TRPV1: variants seen among roughly 807,000 people sequenced by gnomAD.
The protein encoded by TRPV1 is transient receptor potential cation channel subfamily V member 1.
In TRPV1, 82 loss-of-function variants were observed where a neutral mutation model predicts 82.3. That is an observed-to-expected ratio of 1.00 (90% CI 0.83 to 1.20). The LOEUF (loss-of-function observed/expected upper bound fraction) is 1.20, where lower values mean the gene tolerates loss of function less well. Among genes scored for constraint, TRPV1 ranks in the 50% most tolerant of loss-of-function variants. TRPV1 has a pLI of 0.00. For missense variants in TRPV1, 1,067 were observed against 1,096.8 expected (o/e 0.97, Z 0.38); for synonymous variants, 515 against 467.7 (o/e 1.10, Z -1.30).
Position 3,573,529 on chromosome 17 carries a change from A to ACCCCCCCCCCCCCCCCCCC in TRPV1, c.2103+103_2103+104insGGGGGGGGGGGGGGGGGGG. On this transcript the variant is annotated intron_variant, in intron 14 of 16. Transcript: ENST00000572705. ...GAGGCCCATACCCTCCTGGCCACAC[A>ACCCCCCCCCCCCCCCCCCC]CCGCCCCCACCACCCACCCACCTGC... 27 of 20,996 alleles carry ACCCCCCCCCCCCCCCCCCC rather than the reference A, an allele frequency of 1.3e-3. 4 individuals carry two copies. The highest frequency in any genetic ancestry group is 2.5e-3 in the South Asian group (8 of 3,246). 1.3% of individuals were successfully genotyped at this position (20,996 alleles called of 1,614,324 possible).
At chr17:3,592,614 G>T (rs972679449) in intron 2 of TRPV1, 21 of 524,318 alleles carry the variant, frequency 4.0e-5, no homozygotes, top group East Asian at 3.6e-4. Flanking sequence ...GGCCACTGAC[G>T]TCGGCCTGGG....
chr17:3,589,096 C>T, intron 7 of TRPV1: 3 of 779,958 alleles, frequency 3.8e-6, no homozygotes, highest in Non-Finnish European at 6.4e-6. Context: ...GGCCTGTCAC[C>T]AGGAGCCACC....
chr17:3,577,358 T>A (rs866889408), intron 12 of TRPV1, among the ~76,000 whole-genome samples, 166 bp from the exon 13 acceptor site: 2 of 152,164 alleles, frequency 1.3e-5, no homozygotes, highest in Non-Finnish European at 2.9e-5. Flanking sequence ...CCTTCCCCCA[T>A]AGCCTTTGTT....
chr17:3,566,624 G>T lies in TRPV1; in HGVS notation c.*191C>A. On this transcript the variant is annotated 3_prime_UTR_variant, in exon 17 of 17. Transcript: ENST00000572705. The stretch of plus-strand genomic sequence containing the variant: ...GGAGATTCACTTGGGGACAGTGACG[G>T]TTGGATGTACATCACTCCCCATGCT... 1 of 590,948 alleles carries T rather than the reference G, an allele frequency of 1.7e-6. No individual in the cohort carries two copies. The allele number at this position is 590,948 out of a possible 1,614,324, so 36.6% of individuals were successfully genotyped here. A position where few individuals can be genotyped will look rare whatever the true frequency, so the allele number is the denominator to read the frequency against.
intron 16 of TRPV1, 109 bp downstream of exon 16, chr17:3,571,415 C>T (rs927580147): frequency 3.1e-5 from 26 of 850,660 alleles, no homozygotes; most frequent in Non-Finnish European, 4.8e-5. Context: ...GCGCCCGGGT[C>T]CTGGGGGGAT....
intron 5 of TRPV1, 135 bp from the exon 6 acceptor site, chr17:3,590,527 C>T (rs1260297493): frequency 1.1e-5 from 15 of 1,364,488 alleles, no homozygotes; most frequent in South Asian, 2.9e-5. Context: ...AGGACCCCCC[C>T]ACTGCAGGAG....
At chr17:3,605,697 T>C (rs1456873417) in intron 2 of TRPV1, among the ~76,000 whole-genome samples, 2 of 152,160 alleles carry the variant, frequency 1.3e-5, no homozygotes, top group Admixed American at 6.5e-5. Context: ...GGTGCTGTCA[T>C]TGTCTGTGTC....
At position 3,577,615 on chromosome 17, in the gene TRPV1, C is replaced by T. The variant is rs765591332; in HGVS notation, c.1696G>A (p.Ala566Thr). The T allele has an allele frequency of 1.3e-5, 21 of 1,580,098 alleles. No homozygotes were observed. In the African/African-American group the frequency reaches 2.7e-4, roughly 20 times the overall value. Residue 566 changes from alanine to threonine, a missense_variant, in exon 12 of 17, where the codon GCC becomes ACC. By Grantham distance (58) the Ala-to-Thr change is moderately conservative (BLOSUM62 0). Transcript: ENST00000572705. ...TRGFQQMGIY[A>T]VMIEKMILRD... Reference sequence around the variant, plus strand: ...GAACCCACCTTCTCTATCATGACGGCATAGATGCCCATCTGCTGGAAACCG... The same window carrying T: ...GAACCCACCTTCTCTATCATGACGGTATAGATGCCCATCTGCTGGAAACCG...
rs1267139079 is a variant in TRPV1 at position 3,565,600 on chromosome 17, C to A, written c.*1215G>T. ...TGGGATGTGGTTCTGTAGTTTTAAC[C>A]TGCACAGCAATTGAGCTGATCTTCT... On this transcript the variant is annotated 3_prime_UTR_variant, in exon 17 of 17. Transcript: ENST00000572705. 1 of 152,164 alleles carries A rather than the reference C, an allele frequency of 6.6e-6. No homozygotes were observed. The highest frequency in any genetic ancestry group is 1.5e-5 in the Non-Finnish European group (1 of 68,034). 9.4% of individuals were successfully genotyped at this position (152,164 alleles called of 1,614,324 possible). A position where few individuals can be genotyped will look rare whatever the true frequency, so the allele number is the denominator to read the frequency against.
chr17:3,566,658 C>T lies in TRPV1; in HGVS notation c.*157G>A, dbSNP rs907464919. On this transcript the variant is annotated 3_prime_UTR_variant, in exon 17 of 17. Coordinates refer to ENST00000572705, the MANE Select transcript of TRPV1 (RefSeq NM_080704.4). ...ACATCACTCCCCATGCTTCCAAGAA[C>T]GCTTCCCACAGCTTGTCCAGCACAG... 26 of 841,676 alleles carry T rather than the reference C, an allele frequency of 3.1e-5. 1 individual carries two copies. Among genetic ancestry groups the T allele is most frequent in the Admixed American group, 1.8e-4 (6 of 33,464 alleles). The allele number at this position is 841,676 out of a possible 1,614,324, so 52.1% of individuals were successfully genotyped here. A position where few individuals can be genotyped will look rare whatever the true frequency, so the allele number is the denominator to read the frequency against.
rs1176590946 is a variant in TRPV1, at chr17:3,573,858, G to A, written c.1878C>T (p.Ser626=). Residue 626 remains serine (S), a synonymous_variant, in exon 14 of 17, where the codon AGC becomes AGT. Coordinates refer to ENST00000572705, the MANE Select transcript of TRPV1 (RefSeq NM_080704.4). ...AGGTGGAGTACAGGCTGTTGTAGGAGCTATCGGGGGGCCTGCAGGCAGGCC... is the reference window on the plus strand; with the variant it reads ...AGGTGGAGTACAGGCTGTTGTAGGAACTATCGGGGGGCCTGCAGGCAGGCC... ...WRGPACRPPD[S]SYNSLYSTCL... is the part of the protein sequence containing the mutation. The A allele has an allele frequency of 5.6e-6, 9 of 1,613,314 alleles. No individual in the cohort carries two copies. Among genetic ancestry groups the A allele is most frequent in the Non-Finnish European group, 7.6e-6 (9 of 1,179,828 alleles).
In TRPV1 at chr17:3,584,402, C is replaced by CAAAAAAA. The variant is rs1447579699; in HGVS notation, c.1384-979_1384-973dup. 1.3e-3 allele frequency among the ~76,000 whole-genome samples: 22 copies of CAAAAAAA among 16,770 alleles called. 2 individuals are homozygous for CAAAAAAA. Among genetic ancestry groups the CAAAAAAA allele is most frequent in the South Asian group, 4.3e-3 (2 of 462 alleles). The allele number at this position is 16,770 out of a possible 152,430, so 11.0% of individuals were successfully genotyped here. On this transcript the variant is annotated intron_variant, in intron 9 of 16. Coordinates refer to ENST00000572705, the MANE Select transcript of TRPV1 (RefSeq NM_080704.4). ...TGGAAAACAGAGAGAGACTCTGTCTCAAAAAAAAAAAAAATAAAATAAAAA... is the reference window on the plus strand; with the variant it reads ...TGGAAAACAGAGAGAGACTCTGTCTCAAAAAAAAAAAAAAAAAAAAATAAAATAAAAA...
At chr17:3,568,695 C>T (rs1052892337) in intron 16 of TRPV1, among the ~76,000 whole-genome samples, 2 of 152,096 alleles carry the variant, frequency 1.3e-5, no homozygotes, top group Admixed American at 6.6e-5. Context: ...CAGTGAAAAA[C>T]GGCAGTCCCT....
chr17:3,580,338 C>T (rs1315164383), intron 11 of TRPV1, 119 bp downstream of exon 11: 3 of 1,008,878 alleles, frequency 3.0e-6, no homozygotes, highest in Admixed American at 1.7e-5. Flanking sequence ...TCCGTCATTC[C>T]CTCAGCATGT....
At chr17:3,601,092 C>T (rs1277742577) in intron 2 of TRPV1, among the ~76,000 whole-genome samples, 1 of 151,902 alleles carries the variant, frequency 6.6e-6, no homozygotes, top group Admixed American at 6.6e-5. Flanking sequence ...CTCCCTGCAG[C>T]AGTCCCTGCC....
At position 3,571,588 on chromosome 17, in the gene TRPV1, G is replaced by A. The variant is rs759246815; in HGVS notation, c.2283C>T (p.Asn761=). 1.7e-5 allele frequency: 28 copies of A among 1,612,732 alleles called. No homozygotes were observed. The highest frequency in any genetic ancestry group is 2.3e-5 in the Non-Finnish European group (27 of 1,179,510). ...CGCCCTCACAGTTGCCCGGGTCTTC[G>A]TTGATGATGCCCACGTTGGTGTTCC... ...TTWNTNVGII[N]EDPGNCEGVK... is the part of the protein sequence containing the mutation. Residue 761 remains asparagine (N), a synonymous_variant, in exon 16 of 17, where the codon AAC becomes AAT. Transcript: ENST00000572705.
At chr17:3,579,016 G>A (rs1403040294) in intron 11 of TRPV1, among the ~76,000 whole-genome samples, 2 of 152,018 alleles carry the variant, frequency 1.3e-5, no homozygotes, top group Admixed American at 6.6e-5. Context: ...AAACACTTAG[G>A]ATTCCAAAAG....
At chr17:3,569,283 C>T (rs896755685) in intron 16 of TRPV1, among the ~76,000 whole-genome samples, 5 of 152,164 alleles carry the variant, frequency 3.3e-5, no homozygotes, top group African/African-American at 7.2e-5. Context: ...AAAAATTAGC[C>T]GGGTATAGTG....
In TRPV1 at chr17:3,581,554, C is replaced by T. The variant is rs549360337; in HGVS notation, c.1477-1027G>A. On this transcript the variant is annotated intron_variant, in intron 10 of 16. Coordinates refer to ENST00000572705, the MANE Select transcript of TRPV1 (RefSeq NM_080704.4). ...AAAGGTGAGTGACTGAAAAAAAAAA[C>T]TGGATAGAGCTTATACCAAAAAAGA... 6.6e-5 allele frequency among the ~76,000 whole-genome samples: 10 copies of T among 152,032 alleles called. No homozygotes were observed. The East Asian group carries it at 1.2e-3, about 18-fold the overall frequency.
Sources: gnomAD v4.1 joint callset for allele counts (sites outside exome capture counted in the v4.1 genomes callset) on GRCh38, gnomAD v4.1.1 for gene constraint, MANE v1.5 for transcripts, NCBI Gene and HGNC (gene_info 2026-07-23, HGNC 2026-07-21) for gene names.